Variants in FHAD1 observed in about 807,000 individuals in gnomAD.
The protein encoded by FHAD1 is forkhead-associated domain-containing protein 1.
Under a neutral mutation model 191.3 loss-of-function variants are expected in FHAD1, and 146 were observed. That is an observed-to-expected ratio of 0.76 (90% CI 0.67 to 0.88). The LOEUF (loss-of-function observed/expected upper bound fraction) is 0.88, where lower values mean the gene tolerates loss of function less well. Among genes scored for constraint, FHAD1 ranks in the 40% least tolerant of loss-of-function variants. The probability of loss-of-function intolerance (pLI) is 0.00; values close to 1 mark genes in which losing one functional copy is unlikely to be tolerated. For missense variants in FHAD1, 1,635 were observed against 1,785.8 expected, an observed-to-expected ratio of 0.92 and a Z score of 1.52; for synonymous variants, 616 against 672.3, an observed-to-expected ratio of 0.92 and a Z score of 1.29.
chr1:15,328,356 A>C lies in FHAD1; in HGVS notation c.1637A>C (p.Gln546Pro). ...AAGTGGACCCTCCAGAAAGAGACCC[A>C]GCTGAGCAACTCCAAGCAGGAGGAG... ...QKKWTLQKETQLSNSKQEETT... is the reference protein window; with the variant it reads ...QKKWTLQKETPLSNSKQEETT... Residue 546 changes from glutamine to proline, a missense_variant, in exon 13 of 34, where the codon CAG becomes CCG. Transcript: ENST00000688493. The C allele has an allele frequency of 6.5e-7, 1 of 1,549,372 alleles. No individual in the cohort carries two copies.
chr1:15,261,431 G>A lies in FHAD1; in HGVS notation c.93+9554G>A, dbSNP rs147702675. On this transcript the variant is annotated intron_variant, in intron 2 of 33. Transcript: ENST00000688493. ...TCATGAGTGCCTAGCAAGTGGGCAC[G>A]CATTGCTGTCTCAGCTCAAGGTTCT... is the stretch of plus-strand genomic sequence containing the variant. Among the ~76,000 whole-genome samples the A allele has an allele frequency of 3.0e-3, 459 of 152,292 alleles. 2 individuals carry two copies. Among genetic ancestry groups the A allele is most frequent in the Middle Eastern group, 0.02 (6 of 294 alleles).
At chr1:15,378,235 A>C (rs554675108) in intron 28 of FHAD1, among the ~76,000 whole-genome samples, 3 of 152,350 alleles carry the variant, frequency 2.0e-5, no homozygotes, top group East Asian at 3.9e-4. Flanking sequence ...CAGTGAACCA[A>C]CATCGCACCA....
At chr1:15,346,048 G>A (rs532180006) in intron 18 of FHAD1, among the ~76,000 whole-genome samples, 40 of 152,134 alleles carry the variant, frequency 2.6e-4, no homozygotes, top group Admixed American at 1.4e-3. Flanking sequence ...CCTCCCCTGC[G>A]CTCCCACAAG....
chr1:15,247,858 C>T (rs1401481401), intron 1 of FHAD1, among the ~76,000 whole-genome samples: 2 of 152,196 alleles, frequency 1.3e-5, no homozygotes, highest in East Asian at 1.9e-4. Flanking sequence ...CACTTGTGAC[C>T]TATAAGCAGG....
chr1:15,359,777 T>C lies in FHAD1; in HGVS notation c.2737-701T>C, dbSNP rs186557648. ...CATCCTGGCTAACATGATGAAACCCTATCTCTACTAAAAATGCAAGAAAAT... is the reference window on the plus strand; with the variant it reads ...CATCCTGGCTAACATGATGAAACCCCATCTCTACTAAAAATGCAAGAAAAT... On this transcript the variant is annotated intron_variant, in intron 21 of 33. Coordinates refer to ENST00000688493, the MANE Select transcript of FHAD1 (RefSeq NM_001391957.1). 5.1e-3 allele frequency among the ~76,000 whole-genome samples: 775 copies of C among 151,992 alleles called. 8 individuals carry two copies. Among genetic ancestry groups the C allele is most frequent in the Admixed American group, 8.0e-3 (122 of 15,268 alleles).
chr1:15,339,287 CT>C lies in FHAD1; in HGVS notation c.1907-193del, dbSNP rs1228141687. 3.3e-5 allele frequency among the ~76,000 whole-genome samples: 5 copies of C among 152,210 alleles called. No individual in the cohort carries two copies. In the East Asian group the frequency reaches 7.7e-4, roughly 23 times the overall value. On this transcript the variant is annotated intron_variant, in intron 14 of 33. Coordinates refer to ENST00000688493, the MANE Select transcript of FHAD1 (RefSeq NM_001391957.1). ...CTGCCCATCTCAGCCTCCCAAAGTGCTGGGGTTACAGGTGTGAACCTCCATG... is the reference window on the plus strand; with the variant it reads ...CTGCCCATCTCAGCCTCCCAAAGTGCGGGGTTACAGGTGTGAACCTCCATG...
Position 15,329,714 on chromosome 1 carries a change from AACAC to A in FHAD1, c.1906+179_1906+182del, listed in dbSNP as rs1306987521. On this transcript the variant is annotated intron_variant, in intron 14 of 33. Transcript: ENST00000688493. This position sits in a 1 kb window ranked among gnomAD's most constrained non-coding sequence, Gnocchi z 5.0. ...GGCGTAATTTTCCATTAAAAAAAAAAACACACACATACAAGTGAGACACGATAAC... is the reference window on the plus strand; with the variant it reads ...GGCGTAATTTTCCATTAAAAAAAAAAACACATACAAGTGAGACACGATAAC... 1 of 566,414 alleles carries A rather than the reference AACAC, an allele frequency of 1.8e-6. No homozygotes were observed. The highest frequency in any genetic ancestry group is 3.1e-6 in the Non-Finnish European group (1 of 320,842). 35.1% of individuals were successfully genotyped at this position (566,414 alleles called of 1,614,324 possible). A position where few individuals can be genotyped will look rare whatever the true frequency, so the allele number is the denominator to read the frequency against.
At chr1:15,399,288 C>G (rs1706882504), downstream of FHAD1, among the ~76,000 whole-genome samples, 1 of 152,082 alleles carries the variant, frequency 6.6e-6, no homozygotes, top group Non-Finnish European at 1.5e-5. Flanking sequence ...AGTGAGAGGC[C>G]AGGCATGGTG....
intron 26 of FHAD1, among the ~76,000 whole-genome samples, chr1:15,371,678 C>T (rs143905083): frequency 2.0e-5 from 3 of 152,316 alleles, no homozygotes; most frequent in African/African-American, 7.2e-5. Flanking sequence ...CAAGGGAGAA[C>T]GTTCCAGGTT....
intron 2 of FHAD1, among the ~76,000 whole-genome samples, chr1:15,271,348 G>C (rs1027420189): frequency 6.6e-6 from 1 of 152,118 alleles, no homozygotes; most frequent in Non-Finnish European, 1.5e-5. Context: ...GTGCCCTGCA[G>C]CTCACAGTCA....
At chr1:15,346,112 C>T (rs1688833688) in intron 18 of FHAD1, among the ~76,000 whole-genome samples, 1 of 152,120 alleles carries the variant, frequency 6.6e-6, no homozygotes, top group African/African-American at 2.4e-5. Flanking sequence ...AACAGGGGCG[C>T]CCGCACCCTG....
At chr1:15,374,260 G>A (rs528754253) in intron 26 of FHAD1, among the ~76,000 whole-genome samples, 1 of 152,288 alleles carries the variant, frequency 6.6e-6, no homozygotes, top group East Asian at 1.9e-4. Flanking sequence ...AACGTGGAGA[G>A]GGAACGTGGA....
chr1:15,360,374 G>A, intron 21 of FHAD1, 104 bp from the exon 22 acceptor site: 1 of 974,682 alleles, frequency 1.0e-6, no homozygotes, highest in Non-Finnish European at 1.5e-6. Flanking sequence ...TAAGGCCCTG[G>A]GGTGGGGCCC....
At position 15,360,568 on chromosome 1, in the gene FHAD1, G is replaced by A; in HGVS notation, c.2827G>A (p.Glu943Lys). Residue 943 changes from glutamate to lysine, a missense_variant, in exon 22 of 34, where the codon GAG (glutamate) becomes AAG (lysine). Transcript: ENST00000688493. The part of the protein sequence containing the change: ...QESQRHGFEE[E>K]IMEYKEQIKQ... ...ATCACAGAGACACGGGTTTGAAGAA[G>A]AGATCATGGAATATAAGGAGCAAAT... 6.4e-7 allele frequency: 1 copy of A among 1,552,122 alleles called. No homozygotes were observed. Among genetic ancestry groups the A allele is most frequent in the Non-Finnish European group, 8.7e-7 (1 of 1,147,080 alleles).
chr1:15,328,229 T>A, intron 12 of FHAD1, 48 bp from the exon 13 acceptor site: 726 of 1,343,744 alleles, frequency 5.4e-4, no homozygotes, highest in Non-Finnish European at 6.7e-4. Context: ...CCCCCACCCC[T>A]GTATGTTACA....
At chr1:15,258,112 G>A (rs1010147697) in intron 2 of FHAD1, among the ~76,000 whole-genome samples, 4 of 152,060 alleles carry the variant, frequency 2.6e-5, no homozygotes, top group African/African-American at 9.7e-5. Context: ...AAAGTGCTGG[G>A]CTTACAGGTG....
intron 1 of FHAD1, among the ~76,000 whole-genome samples, chr1:15,247,905 T>C (rs1280442281): frequency 2.0e-5 from 3 of 152,226 alleles, no homozygotes; most frequent in Non-Finnish European, 4.4e-5. Flanking sequence ...CTCTTTTGCA[T>C]GGTCGGTGCC....
chr1:15,309,655 A>C (rs77190968), intron 7 of FHAD1, among the ~76,000 whole-genome samples: 3,317 of 148,028 alleles, frequency 0.022, 122 homozygotes, highest in African/African-American at 0.082. Context: ...CTAAAACATT[A>C]TGAGATTTTT....
At position 15,382,135 on chromosome 1, in the gene FHAD1, G is replaced by A. The variant is rs966418115; in HGVS notation, c.4130G>A (p.Arg1377His). The A allele has an allele frequency of 9.7e-6, 15 of 1,552,038 alleles. No individual in the cohort carries two copies. Among genetic ancestry groups the A allele is most frequent in the East Asian group, 2.4e-5 (1 of 40,892 alleles). The stretch of plus-strand genomic sequence containing the variant: ...GCCCTGCTGAAGGAGGCCCTGGAGC[G>A]CATGGAGCACCAGCTGTGCCAGGAG... ...EKALLKEALE[R>H]MEHQLCQEKR... Residue 1377 changes from arginine (R) to histidine (H), a missense_variant, in exon 31 of 34, where the codon CGC (arginine) becomes CAC (histidine). Transcript: ENST00000688493.
Sources: gnomAD v4.1 joint callset for allele counts (sites outside exome capture counted in the v4.1 genomes callset) on GRCh38, gnomAD v4.1.1 for gene constraint, Gnocchi (gnomAD v3.1) non-coding constraint, MANE v1.5 for transcripts, NCBI Gene and HGNC (gene_info 2026-07-23, HGNC 2026-07-21) for gene names.